Variants in RBFOX1 observed in about 807,000 individuals in gnomAD.
RBFOX1 encodes the protein RNA binding fox-1 homolog 1.
A neutral mutation model predicts 57.7 loss-of-function variants in RBFOX1; 8 were observed. That is an observed-to-expected ratio of 0.14 (90% CI 0.08 to 0.25). The LOEUF (loss-of-function observed/expected upper bound fraction) is 0.25, where lower values mean the gene tolerates loss of function less well. RBFOX1 is among the 10% of genes least tolerant of loss of function. The pLI is 1.00. For synonymous variants in RBFOX1, 326 were observed against 222.4 expected (o/e 1.47, Z -4.15); for missense variants, 611 against 548.5 (o/e 1.11, Z -1.14).
chr16:5,726,698 T>A (rs902351662), intron 3 of RBFOX1, among the ~76,000 whole-genome samples: 15 of 152,230 alleles, frequency 9.9e-5, no homozygotes, highest in African/African-American at 3.6e-4. Flanking sequence ...GCAATGCTAA[T>A]AGCTATAGGT....
At chr16:7,105,702 A>G (rs1395570412) in intron 4 of RBFOX1, among the ~76,000 whole-genome samples, 1 of 152,078 alleles carries the variant, frequency 6.6e-6, no homozygotes, top group Non-Finnish European at 1.5e-5. Flanking sequence ...CTCTATATAT[A>G]TCTATCTATA....
chr16:5,562,066 G>A (rs556089810), intron 2 of RBFOX1, among the ~76,000 whole-genome samples: 16 of 152,190 alleles, frequency 1.1e-4, no homozygotes, highest in Non-Finnish European at 2.4e-4. Context: ...AGGGTGAGAC[G>A]CTTTGAAATC....
intron 3 of RBFOX1, among the ~76,000 whole-genome samples, chr16:5,755,782 G>A (rs2053372590): frequency 6.6e-6 from 1 of 152,062 alleles, no homozygotes. Flanking sequence ...GTATTTAGTA[G>A]ACATGGGGTT....
At chr16:5,607,804 G>A (rs898649906) in intron 3 of RBFOX1, among the ~76,000 whole-genome samples, 1 of 152,114 alleles carries the variant, frequency 6.6e-6, no homozygotes, top group African/African-American at 2.4e-5. Context: ...ATATGTATCT[G>A]CCTTCTTTCC....
intron 4 of RBFOX1, among the ~76,000 whole-genome samples, chr16:7,155,399 G>A (rs900515035): frequency 6.6e-6 from 1 of 151,458 alleles, no homozygotes; most frequent in Non-Finnish European, 1.5e-5. Context: ...AACCAGCCTG[G>A]GATACATGGA....
chr16:5,905,283 C>G (rs1357412212), intron 4 of RBFOX1, among the ~76,000 whole-genome samples: 1 of 151,664 alleles, frequency 6.6e-6, no homozygotes, highest in Non-Finnish European at 1.5e-5. Context: ...GAACTCCGGA[C>G]CTCAGGTAAT....
intron 1 of RBFOX1, among the ~76,000 whole-genome samples, chr16:6,297,083 C>T (rs1288715457): frequency 1.3e-5 from 2 of 152,152 alleles, no homozygotes; most frequent in East Asian, 3.9e-4. Context: ...GTTGCCATGG[C>T]ATTTATAAAC....
intron 1 of RBFOX1, among the ~76,000 whole-genome samples, chr16:5,303,485 C>T (rs2063855451): frequency 1.3e-5 from 2 of 152,152 alleles, no homozygotes; most frequent in African/African-American, 4.8e-5. Flanking sequence ...CTGCTTCCCT[C>T]AGTTTGTTAG....
chr16:5,549,038 G>C (rs11076931), intron 2 of RBFOX1, among the ~76,000 whole-genome samples: 1 of 152,074 alleles, frequency 6.6e-6, no homozygotes, highest in African/African-American at 2.4e-5. Context: ...CATACTGGCC[G>C]CAAGGCAGTG....
In RBFOX1 at chr16:5,274,412, C is replaced by G. The variant is rs572667197; in HGVS notation, c.219+34307C>G. Among the ~76,000 whole-genome samples the G allele has an allele frequency of 2.0e-4, 30 of 152,226 alleles. 1 individual carries two copies. In the South Asian group the frequency reaches 6.0e-3, roughly 31 times the overall value. The stretch of plus-strand genomic sequence containing the variant: ...GGCGTGGTCGTGGGTGCCTGTAGTC[C>G]CAGCTACTCTGGAGGCTGAAGCATG... On this transcript the variant is annotated intron_variant, in intron 1 of 2. Coordinates refer to the RBFOX1 transcript ENST00000585867.
At chr16:5,779,491 T>G (rs554405841) in intron 3 of RBFOX1, among the ~76,000 whole-genome samples, 16 of 152,320 alleles carry the variant, frequency 1.1e-4, no homozygotes, top group African/African-American at 2.9e-4. Context: ...ATTTATCTCA[T>G]GGTGTGGGGC....
intron 2 of RBFOX1, among the ~76,000 whole-genome samples, chr16:6,642,297 C>G (rs1602431547): frequency 6.6e-6 from 1 of 152,148 alleles, no homozygotes; most frequent in South Asian, 2.1e-4. Context: ...CATGTGAAAA[C>G]AAGTGCGATT....
At chr16:7,082,496 C>T (rs187915670) in intron 4 of RBFOX1, among the ~76,000 whole-genome samples, 14 of 151,082 alleles carry the variant, frequency 9.3e-5, no homozygotes, top group African/African-American at 1.7e-4. Flanking sequence ...ATGGGAGGAT[C>T]GCTTGAGCCT....
chr16:7,104,517 A>G (rs1380860403), intron 4 of RBFOX1, among the ~76,000 whole-genome samples: 1 of 152,172 alleles, frequency 6.6e-6, no homozygotes, highest in East Asian at 1.9e-4. Flanking sequence ...CTGACTTTAA[A>G]AGCAATGGCT....
chr16:5,956,225 G>A (rs184167818), intron 4 of RBFOX1, among the ~76,000 whole-genome samples: 3 of 152,260 alleles, frequency 2.0e-5, no homozygotes, highest in Admixed American at 1.3e-4. Context: ...GCAATGAGCC[G>A]AGATTACTCC....
chr16:6,361,962 T>C (rs1243002751), intron 2 of RBFOX1, among the ~76,000 whole-genome samples: 2 of 151,906 alleles, frequency 1.3e-5, no homozygotes, highest in East Asian at 3.9e-4. Context: ...TGATATACAC[T>C]GTTCTATGAT....
intron 4 of RBFOX1, among the ~76,000 whole-genome samples, chr16:5,873,777 C>T (rs921181962): frequency 3.9e-5 from 6 of 152,058 alleles, no homozygotes; most frequent in African/African-American, 9.7e-5. Flanking sequence ...TTCTGGATCT[C>T]GGTTAAAACA....
chr16:6,272,525 C>G (rs994053913), intron 1 of RBFOX1, among the ~76,000 whole-genome samples: 2 of 152,110 alleles, frequency 1.3e-5, no homozygotes, highest in African/African-American at 4.8e-5. Flanking sequence ...AATGGATAAA[C>G]AGATTTAATA....
chr16:5,414,335 C>G (rs1178677417), intron 1 of RBFOX1, among the ~76,000 whole-genome samples: 1 of 152,166 alleles, frequency 6.6e-6, no homozygotes, highest in East Asian at 1.9e-4. Context: ...AGTGTTTGTT[C>G]CACTTCCGTC....
Sources: allele counts gnomAD v4.1 joint callset (sites outside exome capture counted in the v4.1 genomes callset), GRCh38; gene constraint gnomAD v4.1.1; transcripts MANE v1.5; gene names NCBI Gene and HGNC (gene_info 2026-07-23, HGNC 2026-07-21).